The following RIPOR1 variants were observed in gnomAD, a reference collection of about 807,000 sequenced individuals.
RIPOR1 encodes rho family-interacting cell polarization regulator 1.
In RIPOR1, 58 loss-of-function variants were observed where a neutral mutation model predicts 116.5. The observed-to-expected ratio is 0.50, with a 90% CI of 0.40 to 0.62. The LOEUF is 0.62. Among genes scored for constraint, RIPOR1 ranks in the 20% least tolerant of loss-of-function variants. RIPOR1 has a pLI of 0.00. For synonymous variants in RIPOR1, 605 were observed against 650.0 expected (o/e 0.93, Z 1.05); for missense variants, 1,372 against 1,586.2 (o/e 0.86, Z 2.29).
chr16:67,537,432 A>C lies in RIPOR1; in HGVS notation c.-23-992A>C. On this transcript the variant is annotated intron_variant, in intron 1 of 21. Coordinates refer to ENST00000042381, the MANE Select transcript of RIPOR1 (RefSeq NM_024519.4). This position sits in a 1 kb window ranked among gnomAD's most constrained non-coding sequence, Gnocchi z 4.6. Reference sequence around the variant, plus strand: ...AGGCGGGCTGAGTCAGGCGGCAGGAACTGGGCGGGGGGCGGCGCCGGGAGG... The same window carrying C: ...AGGCGGGCTGAGTCAGGCGGCAGGACCTGGGCGGGGGGCGGCGCCGGGAGG... 8.1e-7 allele frequency: 1 copy of C among 1,238,880 alleles called. No homozygotes were observed. Among genetic ancestry groups the C allele is most frequent in the Non-Finnish European group, 1.0e-6 (1 of 990,500 alleles). 76.7% of individuals were successfully genotyped at this position (1,238,880 alleles called of 1,614,324 possible). A position where few individuals can be genotyped will look rare whatever the true frequency, so the allele number is the denominator to read the frequency against.
In RIPOR1 at chr16:67,529,631, C is replaced by G; in HGVS notation, c.-24+717C>G. ...CAGATTCAGCACCCTTTGTCCTCCT[C>G]TCCAGGGTGAGCCCTGAGTCCGGCC... On this transcript the variant is annotated intron_variant, in intron 1 of 21. Transcript: ENST00000042381. This position sits in a 1 kb window ranked among gnomAD's most constrained non-coding sequence, Gnocchi z 4.1. 1 of 808,154 alleles carries G rather than the reference C, an allele frequency of 1.2e-6. No homozygotes were observed. Among genetic ancestry groups the G allele is most frequent in the Non-Finnish European group, 1.9e-6 (1 of 517,882 alleles). 50.1% of individuals were successfully genotyped at this position (808,154 alleles called of 1,614,324 possible). A position where few individuals can be genotyped will look rare whatever the true frequency, so the allele number is the denominator to read the frequency against.
At chr16:67,539,595 C>T (rs2050909592) in intron 4 of RIPOR1, 133 bp from the exon 5 acceptor site, 6 of 1,061,612 alleles carry the variant, frequency 5.7e-6, no homozygotes, top group African/African-American at 1.6e-5. Flanking sequence ...CAGGAAGGGG[C>T]GTCAGTTGCT....
rs763202927 is a variant in RIPOR1 at position 67,541,819 on chromosome 16, C to A, written c.1080+37C>A. 3.1e-6 allele frequency: 5 copies of A among 1,613,768 alleles called. No individual in the cohort carries two copies. Among genetic ancestry groups the A allele is most frequent in the Non-Finnish European group, 4.2e-6 (5 of 1,179,856 alleles). On this transcript the variant is annotated intron_variant, in intron 12 of 21. Transcript: ENST00000042381. This position sits in a 1 kb window ranked among gnomAD's most constrained non-coding sequence, Gnocchi z 4.6. ...CCCAGGTCCAGGCCTCACCATCCCC[C>A]AGAGGCTCCCTGGGGGTGGTTCTGA... is the stretch of plus-strand genomic sequence containing the variant.
rs991450316 is a variant in RIPOR1, at chr16:67,530,454, A to G, written c.-24+1540A>G. Among the ~76,000 whole-genome samples the G allele has an allele frequency of 3.3e-5, 5 of 152,040 alleles. No individual in the cohort carries two copies. The highest frequency in any genetic ancestry group is 6.5e-5 in the Admixed American group (1 of 15,284). On this transcript the variant is annotated intron_variant, in intron 1 of 21. Coordinates refer to ENST00000042381, the MANE Select transcript of RIPOR1 (RefSeq NM_024519.4). The surrounding 1 kb of genome is among the most constrained non-coding windows in gnomAD (Gnocchi z 4.5). ...GGGTTTGGGGGCAGTTGCCATGGAG[A>G]CAAGGACAGGCTCAGAAGGGACCCC... is the stretch of plus-strand genomic sequence containing the variant.
intron 1 of RIPOR1, among the ~76,000 whole-genome samples, chr16:67,532,451 C>T (rs552389548): frequency 8.6e-5 from 13 of 151,456 alleles, no homozygotes; most frequent in Non-Finnish European, 8.8e-5. Flanking sequence ...TGGGTGACAG[C>T]GTGAGACCTC....
In RIPOR1 at chr16:67,537,800, T is replaced by C. The variant is rs1309462782; in HGVS notation, c.-23-624T>C. Among the ~76,000 whole-genome samples, 1 of 151,802 alleles carries C rather than the reference T, an allele frequency of 6.6e-6. No individual in the cohort carries two copies. The highest frequency in any genetic ancestry group is 1.5e-5 in the Non-Finnish European group (1 of 67,920). On this transcript the variant is annotated intron_variant, in intron 1 of 21. Transcript: ENST00000042381. The surrounding 1 kb of genome is among the most constrained non-coding windows in gnomAD (Gnocchi z 4.6). Reference sequence around the variant, plus strand: ...CAGGAAAGAGGAGGGGGCGGGGCCCTTCTCGGCATCGCGCCCAGCTCTGGG... The same window carrying C: ...CAGGAAAGAGGAGGGGGCGGGGCCCCTCTCGGCATCGCGCCCAGCTCTGGG...
intron 1 of RIPOR1, among the ~76,000 whole-genome samples, chr16:67,519,187 T>C (rs1474097453): frequency 6.6e-6 from 1 of 150,748 alleles, no homozygotes; most frequent in Non-Finnish European, 1.5e-5. Flanking sequence ...GTCTGAGGCA[T>C]GAGAATTGCT....
At chr16:67,536,772 T>A (rs950345754) in intron 1 of RIPOR1, among the ~76,000 whole-genome samples, 4 of 151,998 alleles carry the variant, frequency 2.6e-5, no homozygotes, top group African/African-American at 9.7e-5. Context: ...TCAGCCTCAG[T>A]CCCCTGGTGA....
chr16:67,538,495 G>A lies in RIPOR1; in HGVS notation c.49G>A (p.Val17Ile), dbSNP rs776058984. The change falls in exon 2 of 22, where the codon GTC becomes ATC. Residue 17 changes from valine (V) to isoleucine (I), a missense_variant. Physicochemically the swap from Val to Ile is conservative, Grantham distance 29. Around this residue, in one of 3 missense-constraint regions of RIPOR1, gnomAD observed 165 missense variants for 145.5 expected, o/e 1.13. Transcript: ENST00000042381. ...GCAGCGCCGTCTGCTCAGCGCCCGG[G>A]TCAATAGGAGCCAGTCCTTCGCAGG... is the stretch of plus-strand genomic sequence containing the variant. The part of the protein sequence containing the change: ...RPQRRLLSAR[V>I]NRSQSFAGVL... 1.3e-4 allele frequency: 216 copies of A among 1,611,892 alleles called. No homozygotes were observed. The highest frequency in any genetic ancestry group is 1.8e-4 in the Non-Finnish European group (210 of 1,179,436).
Position 67,539,344 on chromosome 16 carries a change from A to G in RIPOR1, c.336+276A>G. ...AGGAGATTCTGCTGCAGTGGTACTG[A>G]GCAGTGGTACTGCTGCATGGTGCTT... On this transcript the variant is annotated intron_variant, in intron 4 of 21. Transcript: ENST00000042381. 9.5e-6 allele frequency: 5 copies of G among 528,338 alleles called. No individual in the cohort carries two copies. In the South Asian group the frequency reaches 1.1e-4, roughly 11 times the overall value. The allele number at this position is 528,338 out of a possible 1,614,324, so 32.7% of individuals were successfully genotyped here.
upstream of RIPOR1, among the ~76,000 whole-genome samples, chr16:67,524,604 C>A (rs1431054188): frequency 6.6e-6 from 1 of 152,182 alleles, no homozygotes; most frequent in Non-Finnish European, 1.5e-5. Flanking sequence ...TATTACCTTT[C>A]CCTTAACCAG....
intron 4 of RIPOR1, 72 bp from the exon 5 acceptor site, chr16:67,539,656 C>CGAGTCTGA: frequency 6.4e-7 from 1 of 1,565,286 alleles, no homozygotes; most frequent in East Asian, 2.2e-5. Context: ...GGAGCTGTGA[C>CGAGTCTGA]GAGTCTGAGT....
In RIPOR1 at chr16:67,544,933, C is replaced by G; in HGVS notation, c.2870-23C>G. On this transcript the variant is annotated intron_variant, in intron 16 of 21. Coordinates refer to ENST00000042381, the MANE Select transcript of RIPOR1 (RefSeq NM_024519.4). This position sits in a 1 kb window ranked among gnomAD's most constrained non-coding sequence, Gnocchi z 5.1. ...TACTCACCTGCCTGCCTGTTGCTGA[C>G]GGTTTCCCTCACCCCCTCACAGTGG... The G allele has an allele frequency of 6.2e-7, 1 of 1,609,020 alleles. No individual in the cohort carries two copies.
chr16:67,539,597 T>A, intron 4 of RIPOR1, 131 bp from the exon 5 acceptor site: 2 of 1,100,436 alleles, frequency 1.8e-6, no homozygotes, highest in Non-Finnish European at 2.8e-6. Flanking sequence ...GGAAGGGGCG[T>A]CAGTTGCTAC....
chr16:67,539,569 C>G, intron 4 of RIPOR1, 159 bp from the exon 5 acceptor site: 1 of 883,500 alleles, frequency 1.1e-6, no homozygotes, highest in East Asian at 2.4e-5. Flanking sequence ...CCAGCATCCA[C>G]CAAGGGCTAG....
At chr16:67,535,560 C>T (rs1199469231) in intron 1 of RIPOR1, among the ~76,000 whole-genome samples, 1 of 152,168 alleles carries the variant, frequency 6.6e-6, no homozygotes. Context: ...GGACTGTGAG[C>T]TCTGCACAGG....
chr16:67,524,849 C>A (rs1278342531), upstream of RIPOR1, among the ~76,000 whole-genome samples: 1 of 152,244 alleles, frequency 6.6e-6, no homozygotes, highest in East Asian at 1.9e-4. Context: ...ATTGCACCAG[C>A]CTCCTTGAGG....
Position 67,541,695 on chromosome 16 carries a change from C to A in RIPOR1, c.993C>A (p.Val331=). Residue 331 remains valine (V), a synonymous_variant, in exon 12 of 22, where the codon GTC becomes GTA. Coordinates refer to ENST00000042381, the MANE Select transcript of RIPOR1 (RefSeq NM_024519.4). The surrounding 1 kb of genome is among the most constrained non-coding windows in gnomAD (Gnocchi z 4.6). ...ACCAGCCCTCAGCTGCTTCTTCTGT[C>A]AACAAGGCCTCCACAGTCACCAAGC... ...KDDQPSAASS[V]NKASTVTKRF... The A allele has an allele frequency of 6.2e-7, 1 of 1,614,098 alleles. No homozygotes were observed. The highest frequency in any genetic ancestry group is 1.1e-5 in the South Asian group (1 of 91,068).
In RIPOR1 at chr16:67,537,271, C is replaced by T. The variant is rs1183819718; in HGVS notation, c.-23-1153C>T. ...GTCTGATACTTCCTCCACTTAGCGT[C>T]TCCATTCTATCCCTTCATATTCATC... On this transcript the variant is annotated intron_variant, in intron 1 of 21. Coordinates refer to ENST00000042381, the MANE Select transcript of RIPOR1 (RefSeq NM_024519.4). This position sits in a 1 kb window ranked among gnomAD's most constrained non-coding sequence, Gnocchi z 4.6. Among the ~76,000 whole-genome samples the T allele has an allele frequency of 2.6e-5, 4 of 152,350 alleles. No individual in the cohort carries two copies. The East Asian group carries it at 7.7e-4, about 29-fold the overall frequency.
Sources: allele counts gnomAD v4.1 joint callset (sites outside exome capture counted in the v4.1 genomes callset), GRCh38; gene constraint gnomAD v4.1.1; regional missense constraint gnomAD v4.1.1; non-coding constraint Gnocchi (gnomAD v3.1); transcripts MANE v1.5; gene names NCBI Gene and HGNC (gene_info 2026-07-23, HGNC 2026-07-21).